Variants in BTBD9 observed in about 807,000 individuals in gnomAD.
BTBD9 encodes the protein BTB/POZ domain-containing protein 9.
BTBD9 carries 49 observed loss-of-function variants against 64.3 expected under a neutral mutation model. The ratio of observed to expected loss-of-function variants is 0.76; its 90% CI spans 0.61 to 0.97. BTBD9 has a LOEUF of 0.97. BTBD9 is among the 50% of genes least tolerant of loss of function. BTBD9 has a pLI of 0.00. For missense variants in BTBD9, 598 were observed against 762.1 expected, an observed-to-expected ratio of 0.78 and a Z score of 2.53; for synonymous variants, 260 against 274.7, an observed-to-expected ratio of 0.95 and a Z score of 0.53.
At chr6:38,182,116 A>G (rs547147988) in intron 10 of BTBD9, among the ~76,000 whole-genome samples, 1 of 152,248 alleles carries the variant, frequency 6.6e-6, no homozygotes, top group East Asian at 1.9e-4. Flanking sequence ...ATATTTTTGC[A>G]CTAAGTATGG....
rs113485131 is a variant in BTBD9 at position 38,405,815 on chromosome 6, G to A, written c.1155-60722C>T. ...TTCCATACTGATCGCAGATCTTCTA[G>A]TGTTGGTCTAAATATTCTAGTGATA... On this transcript the variant is annotated intron_variant, in intron 6 of 10. Coordinates refer to ENST00000481247, the MANE Select transcript of BTBD9 (RefSeq NM_001099272.2). 6.2e-3 allele frequency among the ~76,000 whole-genome samples: 946 copies of A among 152,274 alleles called. 8 individuals carry two copies. The highest frequency in any genetic ancestry group is 0.021 in the African/African-American group (868 of 41,522).
At chr6:38,187,518 C>CG (rs1356628225) in intron 10 of BTBD9, among the ~76,000 whole-genome samples, 17 of 152,014 alleles carry the variant, frequency 1.1e-4, no homozygotes, top group African/African-American at 3.1e-4. Context: ...ACAAAGGAGT[C>CG]GGGGGAAGCG....
At chr6:38,305,814 G>A (rs563169542) in intron 7 of BTBD9, among the ~76,000 whole-genome samples, 3 of 152,228 alleles carry the variant, frequency 2.0e-5, no homozygotes, top group East Asian at 1.9e-4. Flanking sequence ...TTTTATGCCC[G>A]AGGGGGAGAA....
chr6:38,427,670 C>A (rs1168798353), intron 6 of BTBD9, among the ~76,000 whole-genome samples: 2 of 151,830 alleles, frequency 1.3e-5, no homozygotes, highest in Non-Finnish European at 2.9e-5. Context: ...AAAAAACACC[C>A]CTGTCAACAA....
chr6:38,391,821 G>C (rs997775891), intron 6 of BTBD9, among the ~76,000 whole-genome samples: 16 of 152,070 alleles, frequency 1.1e-4, no homozygotes, highest in African/African-American at 3.1e-4. Flanking sequence ...CAGGCAGCTG[G>C]GTTTTTGCTC....
intron 6 of BTBD9, among the ~76,000 whole-genome samples, chr6:38,441,589 A>T (rs955574529): frequency 1.9e-4 from 29 of 151,696 alleles, no homozygotes; most frequent in African/African-American, 4.6e-4. Flanking sequence ...GTTAAAAAAA[A>T]TTTTTTTTCA....
At chr6:38,555,593 G>C (rs1223031158) in intron 6 of BTBD9, among the ~76,000 whole-genome samples, 2 of 152,156 alleles carry the variant, frequency 1.3e-5, no homozygotes, top group Non-Finnish European at 2.9e-5. Flanking sequence ...AGTTTTTCTA[G>C]CATTTCCTAA....
chr6:38,330,199 C>T (rs1040327496), intron 7 of BTBD9, among the ~76,000 whole-genome samples: 4 of 151,950 alleles, frequency 2.6e-5, no homozygotes, highest in African/African-American at 9.7e-5. Flanking sequence ...GCATTACAGG[C>T]GTGCCACCAC....
intron 6 of BTBD9, among the ~76,000 whole-genome samples, chr6:38,497,638 G>A (rs999973121): frequency 1.3e-5 from 2 of 152,140 alleles, no homozygotes; most frequent in Admixed American, 6.6e-5. Context: ...GGGAGGAAAA[G>A]AAAACTGAGA....
chr6:38,517,670 C>A (rs1162357062), intron 6 of BTBD9, among the ~76,000 whole-genome samples: 1 of 152,190 alleles, frequency 6.6e-6, no homozygotes, highest in Non-Finnish European at 1.5e-5. Context: ...AAATTCTCCC[C>A]CTTCTTTCTC....
At chr6:38,457,411 A>G (rs984729279) in intron 6 of BTBD9, among the ~76,000 whole-genome samples, 2 of 152,190 alleles carry the variant, frequency 1.3e-5, no homozygotes, top group African/African-American at 2.4e-5. Flanking sequence ...ATTGCAGTAG[A>G]TGGATTTAAG....
intron 9 of BTBD9, among the ~76,000 whole-genome samples, chr6:38,219,634 T>A (rs189236166): frequency 2.0e-5 from 3 of 152,292 alleles, no homozygotes; most frequent in African/African-American, 7.2e-5. Context: ...GGTTATTCAC[T>A]AAGAATAAAT....
intron 6 of BTBD9, among the ~76,000 whole-genome samples, chr6:38,428,399 C>T (rs1391400157): frequency 1.3e-5 from 2 of 151,708 alleles, no homozygotes; most frequent in African/African-American, 2.4e-5. Context: ...GCCCCACCCC[C>T]ACCCACTCCC....
At chr6:38,371,110 T>C (rs542156337) in intron 6 of BTBD9, among the ~76,000 whole-genome samples, 62 of 152,316 alleles carry the variant, frequency 4.1e-4, no homozygotes, top group Non-Finnish European at 8.7e-4. Context: ...GCTGACTGAC[T>C]GAGTGGTCAG....
At chr6:38,476,926 GAAACTTTTGTTAA>G (rs927100547) in intron 6 of BTBD9, among the ~76,000 whole-genome samples, 11 of 152,212 alleles carry the variant, frequency 7.2e-5, no homozygotes, top group African/African-American at 2.4e-4. Context: ...CTTTTAAATA[GAAACTTTTGTTAA>G]CTGATTTTTA....
chr6:38,492,652 C>T (rs1476683903), intron 6 of BTBD9, among the ~76,000 whole-genome samples: 1 of 152,060 alleles, frequency 6.6e-6, no homozygotes, highest in Non-Finnish European at 1.5e-5. Context: ...ACTAAGAGAA[C>T]TATTTTGTGT....
intron 4 of BTBD9, chr6:38,587,736 T>C (rs7769186): frequency 0.35 from 233,800 of 672,254 alleles, 41,774 homozygotes; most frequent in African/African-American, 0.45. Context: ...CTAATATTCC[T>C]GAAAATGTTA....
intron 6 of BTBD9, among the ~76,000 whole-genome samples, chr6:38,455,173 C>A (rs1054864722): frequency 2.0e-5 from 3 of 152,098 alleles, no homozygotes; most frequent in Non-Finnish European, 4.4e-5. Flanking sequence ...TTTTGGTGTA[C>A]TGTTCTATGA....
At chr6:38,414,417 G>T (rs1206790529) in intron 6 of BTBD9, among the ~76,000 whole-genome samples, 1 of 152,106 alleles carries the variant, frequency 6.6e-6, no homozygotes, top group Non-Finnish European at 1.5e-5. Context: ...AATAATGAAG[G>T]ATGTAAGTCA....
Sources: gnomAD v4.1 joint callset for allele counts (sites outside exome capture counted in the v4.1 genomes callset) on GRCh38, gnomAD v4.1.1 for gene constraint, MANE v1.5 for transcripts, NCBI Gene and HGNC (gene_info 2026-07-23, HGNC 2026-07-21) for gene names.